RTN1: variants seen among roughly 807,000 people sequenced by gnomAD.
RTN1 encodes reticulon-1.
RTN1 carries 25 observed loss-of-function variants against 65.5 expected under a neutral mutation model. That is an observed-to-expected ratio of 0.38 (90% confidence interval 0.28 to 0.53). The LOEUF (loss-of-function observed/expected upper bound fraction) is 0.53, where lower values mean the gene tolerates loss of function less well. Among genes scored for constraint, RTN1 ranks in the 20% least tolerant of loss-of-function variants. The pLI is 0.79. For missense variants in RTN1, 983 were observed against 1,025.4 expected, an observed-to-expected ratio of 0.96 and a Z score of 0.57; for synonymous variants, 471 against 447.6, an observed-to-expected ratio of 1.05 and a Z score of -0.66.
chr14:59,856,633 C>T (rs1887613710), intron 1 of RTN1, among the ~76,000 whole-genome samples: 2 of 152,262 alleles, frequency 1.3e-5, no homozygotes, highest in Admixed American at 6.5e-5. Context: ...AATGTCTTCC[C>T]ATGTGGATTA....
At chr14:59,611,456 G>C (rs556853989) in intron 3 of RTN1, among the ~76,000 whole-genome samples, 2 of 152,316 alleles carry the variant, frequency 1.3e-5, no homozygotes, top group African/African-American at 4.8e-5. Context: ...GCCCCATGGT[G>C]GGGTGTCTGT....
chr14:59,837,205 G>A (rs1314550351), intron 1 of RTN1, among the ~76,000 whole-genome samples: 1 of 151,996 alleles, frequency 6.6e-6, no homozygotes, highest in East Asian at 1.9e-4. Flanking sequence ...TGTAAAGGTA[G>A]TAATTCAAAT....
intron 1 of RTN1, among the ~76,000 whole-genome samples, chr14:59,798,832 C>G (rs986146555): frequency 2.0e-5 from 3 of 152,098 alleles, no homozygotes; most frequent in African/African-American, 7.2e-5. Flanking sequence ...AGACATTATT[C>G]TGTTTACCAC....
rs1886575878 is a variant in RTN1, at chr14:59,803,092, T to C, written c.242-56611A>G. On this transcript the variant is annotated intron_variant, in intron 1 of 8. Coordinates refer to ENST00000267484, the MANE Select transcript of RTN1 (RefSeq NM_021136.3). The surrounding 1 kb of genome is among the most constrained non-coding windows in gnomAD (Gnocchi z 5.6). ...TGCACTGGGATAAGCACACAGGCCA[T>C]GCAGAAAACCGCTGTCTATCTAAAT... 1.3e-5 allele frequency among the ~76,000 whole-genome samples: 2 copies of C among 152,094 alleles called. No homozygotes were observed. Among genetic ancestry groups the C allele is most frequent in the Non-Finnish European group, 1.5e-5 (1 of 68,022 alleles).
intron 3 of RTN1, among the ~76,000 whole-genome samples, chr14:59,608,786 T>C (rs367673693): frequency 9.8e-5 from 15 of 152,330 alleles, no homozygotes; most frequent in African/African-American, 3.4e-4. Flanking sequence ...CTTTCCTCTA[T>C]TACATTTCTG....
intron 1 of RTN1, among the ~76,000 whole-genome samples, chr14:59,840,843 C>T (rs937431893): frequency 7.2e-5 from 11 of 152,142 alleles, no homozygotes; most frequent in African/African-American, 1.7e-4. Context: ...TGATAACTTA[C>T]GTGGAAATTT....
chr14:59,792,601 A>G (rs11158270), intron 1 of RTN1, among the ~76,000 whole-genome samples: 3,079 of 152,248 alleles, frequency 0.02, 83 homozygotes, highest in African/African-American at 0.071. Flanking sequence ...CTCAATTCTG[A>G]AAAAGGAGTC....
At chr14:59,681,950 T>C (rs1216441551) in intron 3 of RTN1, among the ~76,000 whole-genome samples, 1 of 152,212 alleles carries the variant, frequency 6.6e-6, no homozygotes, top group Non-Finnish European at 1.5e-5. Flanking sequence ...TAGATTTTTT[T>C]AGTGATCTTC....
intron 1 of RTN1, among the ~76,000 whole-genome samples, chr14:59,763,035 G>C (rs1239262513): frequency 2.0e-5 from 3 of 152,152 alleles, no homozygotes; most frequent in Non-Finnish European, 4.4e-5. Flanking sequence ...TATAAAAATA[G>C]AAAGATGTGA....
intron 1 of RTN1, among the ~76,000 whole-genome samples, chr14:59,858,885 A>T (rs1369839774): frequency 1.3e-5 from 2 of 152,234 alleles, no homozygotes; most frequent in Non-Finnish European, 2.9e-5. Context: ...TGAAGAAGAT[A>T]ATTCAGCAAA....
chr14:59,604,112 T>C (rs1200874281), intron 5 of RTN1, 191 bp from the exon 6 acceptor site: 2 of 398,266 alleles, frequency 5.0e-6, no homozygotes, highest in Admixed American at 3.5e-5. Context: ...TTGGAACTAT[T>C]TGGATCACTT....
intron 3 of RTN1, among the ~76,000 whole-genome samples, chr14:59,722,796 C>T (rs114852907): frequency 1.5e-5 from 2 of 137,268 alleles, no homozygotes; most frequent in Admixed American, 7.4e-5. Context: ...GAACTTTTAA[C>T]TTTTTTTTTT....
intron 3 of RTN1, among the ~76,000 whole-genome samples, chr14:59,628,616 G>A (rs997098130): frequency 5.9e-5 from 9 of 152,158 alleles, no homozygotes; most frequent in Non-Finnish European, 1.3e-4. Context: ...GATGACCAAA[G>A]GTCGCTGAGT....
intron 3 of RTN1, among the ~76,000 whole-genome samples, chr14:59,719,276 T>A (rs534607867): frequency 9.8e-5 from 15 of 152,336 alleles, no homozygotes; most frequent in Middle Eastern, 3.4e-3. Flanking sequence ...TTCCCATGTA[T>A]AGAATATCCC....
At chr14:59,760,556 T>C (rs1885727957) in intron 1 of RTN1, among the ~76,000 whole-genome samples, 1 of 152,082 alleles carries the variant, frequency 6.6e-6, no homozygotes, top group African/African-American at 2.4e-5. Context: ...ATAGTAAGAG[T>C]GTTGCACAAA....
At position 59,596,760 on chromosome 14, in the gene RTN1, C is replaced by T; in HGVS notation, c.2316G>A (p.Lys772=). Residue 772 remains lysine, a synonymous_variant, in exon 9 of 9, where the codon AAG becomes AAA. Transcript: ENST00000267484. ...GGAAATCAGTTTACTCAGCATGCCT[C>T]TTAGCGCCTGGGATTTTAGCCTGAA... is the stretch of plus-strand genomic sequence containing the variant. ...AKIQAKIPGA[K]RHAE is the part of the protein sequence containing the mutation. 6.2e-7 allele frequency: 1 copy of T among 1,611,930 alleles called. No individual in the cohort carries two copies. The highest frequency in any genetic ancestry group is 1.1e-5 in the South Asian group (1 of 91,024).
intron 3 of RTN1, among the ~76,000 whole-genome samples, chr14:59,709,142 A>G (rs1422281899): frequency 6.6e-6 from 1 of 152,200 alleles, no homozygotes; most frequent in Non-Finnish European, 1.5e-5. Flanking sequence ...TCCTATTTTT[A>G]GAGATGTACA....
At chr14:59,776,865 G>C (rs1481879186) in intron 1 of RTN1, among the ~76,000 whole-genome samples, 1 of 152,136 alleles carries the variant, frequency 6.6e-6, no homozygotes, top group Admixed American at 6.6e-5. Context: ...AACAATGTAG[G>C]TTTCAATCTG....
intron 3 of RTN1, chr14:59,610,190 A>G (rs1881903358): frequency 2.7e-6 from 2 of 754,566 alleles, no homozygotes; most frequent in Non-Finnish European, 4.9e-6. Context: ...CTGCTCAAGA[A>G]GTCTGTGAAT....
Sources: gnomAD v4.1 joint callset for allele counts (sites outside exome capture counted in the v4.1 genomes callset) on GRCh38, gnomAD v4.1.1 for gene constraint, Gnocchi (gnomAD v3.1) non-coding constraint, MANE v1.5 for transcripts, NCBI Gene and HGNC (gene_info 2026-07-23, HGNC 2026-07-21) for gene names.